GRID2: variants seen among roughly 807,000 people sequenced by gnomAD.
GRID2 encodes the protein glutamate ionotropic receptor delta type subunit 2.
In GRID2, 33 loss-of-function variants were observed where a neutral mutation model predicts 114.8. The ratio of observed to expected loss-of-function variants is 0.29; its 90% confidence interval spans 0.22 to 0.38. The LOEUF (loss-of-function observed/expected upper bound fraction) is 0.38, where lower values mean the gene tolerates loss of function less well. Ranked by LOEUF, GRID2 falls within the 10% of genes least tolerant of loss-of-function variation. The pLI, the probability that GRID2 is intolerant of heterozygous loss-of-function variation, is 1.00. For synonymous variants in GRID2, 505 were observed against 449.9 expected (o/e 1.12, Z -1.55); for missense variants, 1,184 against 1,257.7 (o/e 0.94, Z 0.89).
intron 5 of GRID2, among the ~76,000 whole-genome samples, chr4:93,215,340 T>G (rs1015709392): frequency 6.6e-6 from 1 of 152,016 alleles, no homozygotes; most frequent in South Asian, 2.1e-4. Context: ...ATTTAAAAAA[T>G]TGGAAGACAT....
chr4:93,442,357 A>G (rs1721701617), intron 10 of GRID2, among the ~76,000 whole-genome samples: 1 of 151,640 alleles, frequency 6.6e-6, no homozygotes, highest in African/African-American at 2.4e-5. Flanking sequence ...TGACTGGAAA[A>G]CTCTTTCTGA....
At chr4:93,151,787 A>T (rs1736761544) in intron 4 of GRID2, among the ~76,000 whole-genome samples, 1 of 152,130 alleles carries the variant, frequency 6.6e-6, no homozygotes, top group Admixed American at 6.6e-5. Context: ...AGAAAAAATG[A>T]TTTTCATCTC....
chr4:92,941,321 A>T (rs1751109060), intron 2 of GRID2, among the ~76,000 whole-genome samples: 1 of 152,118 alleles, frequency 6.6e-6, no homozygotes, highest in Admixed American at 6.5e-5. Context: ...CAAGGAATTT[A>T]TCCATTTCTT....
intron 1 of GRID2, among the ~76,000 whole-genome samples, chr4:92,442,670 T>C (rs890202714): frequency 2.6e-5 from 4 of 152,066 alleles, no homozygotes; most frequent in Non-Finnish European, 5.9e-5. Flanking sequence ...TAATAAAATG[T>C]ATATTGAGAA....
chr4:93,288,820 A>C (rs1753444045), intron 8 of GRID2, among the ~76,000 whole-genome samples: 3 of 152,192 alleles, frequency 2.0e-5, no homozygotes, highest in Non-Finnish European at 2.9e-5. Context: ...TATGTTTTCT[A>C]TGCTTAATTT....
At chr4:92,694,073 C>T (rs1290256167) in intron 2 of GRID2, among the ~76,000 whole-genome samples, 1 of 152,002 alleles carries the variant, frequency 6.6e-6, no homozygotes, top group East Asian at 1.9e-4. Flanking sequence ...TACAAGCATA[C>T]AAAACAGCAA....
chr4:93,448,251 AAAG>A (rs1722279766), intron 10 of GRID2, among the ~76,000 whole-genome samples: 1 of 151,990 alleles, frequency 6.6e-6, no homozygotes, highest in Non-Finnish European at 1.5e-5. Context: ...AACTGGAAAA[AAAG>A]GAGTAAAAGC....
chr4:93,614,811 G>C (rs1560821378), intron 13 of GRID2, among the ~76,000 whole-genome samples: 1 of 151,988 alleles, frequency 6.6e-6, no homozygotes, highest in South Asian at 2.1e-4. Context: ...TTTTTAAAAG[G>C]GGAACATAAA....
chr4:93,104,914 A>G (rs910524260), intron 3 of GRID2, among the ~76,000 whole-genome samples: 7 of 152,128 alleles, frequency 4.6e-5, no homozygotes, highest in African/African-American at 1.4e-4. Context: ...ACTAGTTTAC[A>G]GTCCCACCAA....
At chr4:93,361,072 A>G (rs1157720992) in intron 8 of GRID2, among the ~76,000 whole-genome samples, 1 of 151,548 alleles carries the variant, frequency 6.6e-6, no homozygotes. Context: ...TTCTTTTTTC[A>G]TTACAATAGG....
At chr4:92,947,267 C>T (rs1000538607) in intron 2 of GRID2, among the ~76,000 whole-genome samples, 2 of 151,958 alleles carry the variant, frequency 1.3e-5, no homozygotes, top group African/African-American at 4.8e-5. Context: ...TCCTCTTTGT[C>T]AGCATGCGTG....
intron 2 of GRID2, among the ~76,000 whole-genome samples, chr4:92,935,007 G>A (rs1461841388): frequency 6.8e-6 from 1 of 146,454 alleles, no homozygotes; most frequent in African/African-American, 2.4e-5. Flanking sequence ...AACACCAAAA[G>A]CAATGGCAAC....
chr4:92,757,386 G>T (rs2149342989), intron 2 of GRID2, among the ~76,000 whole-genome samples: 1 of 152,168 alleles, frequency 6.6e-6, no homozygotes, highest in East Asian at 1.9e-4. Flanking sequence ...TTTGGAAATA[G>T]ACACCTTGAT....
chr4:92,822,126 A>G (rs1244483135), intron 2 of GRID2: 2 of 337,400 alleles, frequency 5.9e-6, no homozygotes, highest in Non-Finnish European at 1.2e-5. Flanking sequence ...CTTAATTTCT[A>G]TGGTGGTCTT....
At chr4:93,300,150 G>T (rs1453667457) in intron 8 of GRID2, among the ~76,000 whole-genome samples, 1 of 151,880 alleles carries the variant, frequency 6.6e-6, no homozygotes, top group African/African-American at 2.4e-5. Context: ...TCCTTATGTT[G>T]CCCAGACTGG....
At chr4:93,037,944 A>G (rs1275287517) in intron 2 of GRID2, among the ~76,000 whole-genome samples, 1 of 151,856 alleles carries the variant, frequency 6.6e-6, no homozygotes, top group African/African-American at 2.4e-5. Context: ...TCCATATGAA[A>G]CCAAATTTAA....
chr4:92,615,165 G>A (rs1266592939), intron 2 of GRID2, among the ~76,000 whole-genome samples: 1 of 151,488 alleles, frequency 6.6e-6, no homozygotes, highest in African/African-American at 2.4e-5. Flanking sequence ...GCAAATGCCT[G>A]CCTTCTCACT....
chr4:93,078,572 A>T, intron 2 of GRID2, among the ~76,000 whole-genome samples: 1 of 150,462 alleles, frequency 6.6e-6, no homozygotes, highest in East Asian at 1.9e-4. Flanking sequence ...AAGATAGGAG[A>T]TTGATCTGAA....
At chr4:93,764,626 T>C (rs1733483193) in intron 14 of GRID2, among the ~76,000 whole-genome samples, 1 of 152,180 alleles carries the variant, frequency 6.6e-6, no homozygotes, top group African/African-American at 2.4e-5. Context: ...TGCATCACCA[T>C]GGTGTAAAAA....
Sources: allele counts gnomAD v4.1 joint callset (sites outside exome capture counted in the v4.1 genomes callset), GRCh38; gene constraint gnomAD v4.1.1; transcripts MANE v1.5; gene names NCBI Gene and HGNC (gene_info 2026-07-23, HGNC 2026-07-21).